Variants in SPIDR observed in about 807,000 individuals in gnomAD.
SPIDR encodes the protein DNA repair-scaffolding protein.
In SPIDR, 93 loss-of-function variants were observed where a neutral mutation model predicts 104.6. The observed-to-expected ratio is 0.89, with a 90% CI of 0.75 to 1.06. The LOEUF (loss-of-function observed/expected upper bound fraction) is 1.06. SPIDR is among the 50% of genes least tolerant of loss of function. The pLI is 0.00. For missense variants in SPIDR, 1,154 were observed against 1,111.2 expected, an observed-to-expected ratio of 1.04 and a Z score of -0.55; for synonymous variants, 431 against 416.9, an observed-to-expected ratio of 1.03 and a Z score of -0.41.
At chr8:47,274,226 A>G (rs1292299198) in intron 1 of SPIDR, among the ~76,000 whole-genome samples, 2 of 152,182 alleles carry the variant, frequency 1.3e-5, no homozygotes, top group African/African-American at 2.4e-5. Flanking sequence ...AAAATACTGT[A>G]TTGTCAAATG....
intron 10 of SPIDR, among the ~76,000 whole-genome samples, chr8:47,632,017 A>G (rs2067144559): frequency 6.6e-6 from 1 of 152,148 alleles, no homozygotes; most frequent in African/African-American, 2.4e-5. Flanking sequence ...AATTCTGCAC[A>G]CACATCCCCC....
intron 8 of SPIDR, among the ~76,000 whole-genome samples, chr8:47,553,030 T>C (rs2090796964): frequency 1.3e-5 from 2 of 152,302 alleles, no homozygotes; most frequent in South Asian, 4.1e-4. Flanking sequence ...AAGCTTAGTT[T>C]GGCTGGGTAT....
In SPIDR at chr8:47,713,267, A is replaced by T. The variant is rs888330371; in HGVS notation, c.2189-222A>T. ...TGAGTCATAATTCACATGCCACATA[A>T]TTTACCCTGTGTGGATTGACTTGAA... On this transcript the variant is annotated intron_variant, in intron 15 of 19. Coordinates refer to ENST00000297423, the MANE Select transcript of SPIDR (RefSeq NM_001080394.4). 4 of 641,368 alleles carry T rather than the reference A, an allele frequency of 6.2e-6. No homozygotes were observed. The Admixed American group carries it at 1.2e-4, about 19-fold the overall frequency. The allele number at this position is 641,368 out of a possible 1,614,324, so 39.7% of individuals were successfully genotyped here. A position where few individuals can be genotyped will look rare whatever the true frequency, so the allele number is the denominator to read the frequency against.
chr8:47,493,273 C>T (rs991184295), intron 8 of SPIDR, among the ~76,000 whole-genome samples: 5 of 152,102 alleles, frequency 3.3e-5, no homozygotes, highest in African/African-American at 7.2e-5. Context: ...TGTGGAAAAA[C>T]TCATATATTC....
intron 11 of SPIDR, among the ~76,000 whole-genome samples, chr8:47,680,064 C>T (rs1196781247): frequency 1.3e-5 from 2 of 152,142 alleles, no homozygotes; most frequent in East Asian, 1.9e-4. Flanking sequence ...AGTCTGTGTG[C>T]GGTGCAGGTG....
At chr8:47,674,399 G>A (rs1217659077) in intron 11 of SPIDR, among the ~76,000 whole-genome samples, 2 of 151,966 alleles carry the variant, frequency 1.3e-5, no homozygotes, top group African/African-American at 2.4e-5. Context: ...ATGGCACCTC[G>A]CCCTAAAATG....
At position 47,473,601 on chromosome 8, in the gene SPIDR, G is replaced by A. The variant is rs540950176; in HGVS notation, c.1097+33059G>A. 8.2e-4 allele frequency among the ~76,000 whole-genome samples: 125 copies of A among 152,276 alleles called. No homozygotes were observed. In the Middle Eastern group the frequency reaches 0.01, roughly 12 times the overall value. On this transcript the variant is annotated intron_variant, in intron 8 of 19. Coordinates refer to ENST00000297423, the MANE Select transcript of SPIDR (RefSeq NM_001080394.4). ...GTCCCTCTATTGTGCATGACACCAT[G>A]GTGCCTTCCACACGCGTCTATTTTA...
chr8:47,467,882 A>G (rs781953036), intron 8 of SPIDR, among the ~76,000 whole-genome samples: 15 of 152,194 alleles, frequency 9.9e-5, no homozygotes, highest in Non-Finnish European at 1.9e-4. Flanking sequence ...GAAATAAATA[A>G]AAGGCATCTA....
At chr8:47,303,968 C>T (rs1433372050) in intron 5 of SPIDR, among the ~76,000 whole-genome samples, 1 of 152,114 alleles carries the variant, frequency 6.6e-6, no homozygotes, top group Non-Finnish European at 1.5e-5. Flanking sequence ...TGAGCCACTG[C>T]ACCTGGCCTG....
chr8:47,556,172 T>C (rs2091299444), intron 8 of SPIDR, among the ~76,000 whole-genome samples: 1 of 152,190 alleles, frequency 6.6e-6, no homozygotes, highest in South Asian at 2.1e-4. Flanking sequence ...CCTGTAGGCC[T>C]AGCAGTCTCA....
intron 7 of SPIDR, among the ~76,000 whole-genome samples, chr8:47,425,713 A>G (rs1196255223): frequency 6.6e-6 from 1 of 152,190 alleles, no homozygotes; most frequent in Non-Finnish European, 1.5e-5. Context: ...ATTGAAGTTC[A>G]GTAAGAAGCA....
At chr8:47,568,378 T>C (rs1249895060) in intron 8 of SPIDR, among the ~76,000 whole-genome samples, 1 of 152,220 alleles carries the variant, frequency 6.6e-6, no homozygotes, top group East Asian at 1.9e-4. Flanking sequence ...GTTATTGGAA[T>C]GGTATCAGGG....
intron 8 of SPIDR, among the ~76,000 whole-genome samples, chr8:47,525,385 T>C (rs2084816797): frequency 6.6e-6 from 1 of 152,260 alleles, no homozygotes; most frequent in Non-Finnish European, 1.5e-5. Context: ...TCTATGGTTC[T>C]AGCTTTGGCA....
chr8:47,275,183 C>T lies in SPIDR; in HGVS notation c.34-4679C>T, dbSNP rs1046107713. Reference sequence around the variant, plus strand: ...CTGAGGCAGGAGAATGGTGTGAACCCGGGAGGTGGAGCTTGCAGTGAGCCC... The same window carrying T: ...CTGAGGCAGGAGAATGGTGTGAACCTGGGAGGTGGAGCTTGCAGTGAGCCC... On this transcript the variant is annotated intron_variant, in intron 1 of 19. Transcript: ENST00000297423. 2.9e-3 allele frequency among the ~76,000 whole-genome samples: 436 copies of T among 151,422 alleles called. 1 individual carries two copies. The highest frequency in any genetic ancestry group is 9.9e-3 in the African/African-American group (411 of 41,322).
At chr8:47,388,029 G>A (rs2060158264) in intron 5 of SPIDR, among the ~76,000 whole-genome samples, 1 of 152,164 alleles carries the variant, frequency 6.6e-6, no homozygotes, top group African/African-American at 2.4e-5. Flanking sequence ...GGTCATGAAG[G>A]TCATTGTACT....
chr8:47,344,123 C>A, intron 5 of SPIDR, among the ~76,000 whole-genome samples: 1 of 142,250 alleles, frequency 7.0e-6, no homozygotes, highest in East Asian at 2.4e-4. Flanking sequence ...ACCCCCTCCC[C>A]CCACCCCACG....
At chr8:47,601,850 G>A (rs1395408496) in intron 10 of SPIDR, among the ~76,000 whole-genome samples, 3 of 152,206 alleles carry the variant, frequency 2.0e-5, no homozygotes, top group East Asian at 1.9e-4. Context: ...AACGGCCGTA[G>A]TGCTAGCCTT....
rs151066249 is a variant in SPIDR, at chr8:47,329,232, G to A, written c.525+35202G>A. Among the ~76,000 whole-genome samples the A allele has an allele frequency of 2.8e-3, 425 of 152,112 alleles. 1 individual carries two copies. The highest frequency in any genetic ancestry group is 1.0e-2 in the African/African-American group (413 of 41,506). On this transcript the variant is annotated intron_variant, in intron 5 of 19. Coordinates refer to ENST00000297423, the MANE Select transcript of SPIDR (RefSeq NM_001080394.4). ...ACTACAGGCACCCGCCACCACGCCC[G>A]GCTGATTTTTTTGTATTTTTAGTAG...
At chr8:47,272,520 G>C (rs2035540800) in intron 1 of SPIDR, among the ~76,000 whole-genome samples, 1 of 152,150 alleles carries the variant, frequency 6.6e-6, no homozygotes, top group Non-Finnish European at 1.5e-5. Flanking sequence ...TAAATGCTTT[G>C]AGCCAGTAAG....
Sources: gnomAD v4.1 joint callset for allele counts (sites outside exome capture counted in the v4.1 genomes callset) on GRCh38, gnomAD v4.1.1 for gene constraint, MANE v1.5 for transcripts, NCBI Gene and HGNC (gene_info 2026-07-23, HGNC 2026-07-21) for gene names.